DGKB: variants seen among roughly 807,000 people sequenced by gnomAD.
DGKB encodes the protein 90 kDa diacylglycerol kinase.
Under a neutral mutation model 114.3 loss-of-function variants are expected in DGKB, and 67 were observed. The ratio of observed to expected loss-of-function variants is 0.59; its 90% CI spans 0.48 to 0.72. DGKB has a LOEUF of 0.72. DGKB is among the 30% of genes least tolerant of loss of function. The pLI, the probability that DGKB is intolerant of heterozygous loss-of-function variation, is 0.00. For synonymous variants in DGKB, 398 were observed against 323.1 expected, an observed-to-expected ratio of 1.23 and a Z score of -2.49; for missense variants, 907 against 975.2, an observed-to-expected ratio of 0.93 and a Z score of 0.93.
intron 20 of DGKB, among the ~76,000 whole-genome samples, chr7:14,485,760 T>C (rs1190100107): frequency 6.6e-6 from 1 of 151,258 alleles, no homozygotes. Flanking sequence ...GGCATGGTAG[T>C]GGGCACCTGT....
At chr7:14,538,621 C>T (rs1792927644) in intron 20 of DGKB, among the ~76,000 whole-genome samples, 1 of 152,084 alleles carries the variant, frequency 6.6e-6, no homozygotes, top group African/African-American at 2.4e-5. Flanking sequence ...TCTAGTGATC[C>T]CACTTTTGAA....
At chr7:14,907,503 T>C (rs1206866064), upstream of DGKB, among the ~76,000 whole-genome samples, 10 of 152,236 alleles carry the variant, frequency 6.6e-5, no homozygotes, top group South Asian at 2.1e-4. Flanking sequence ...GTGAAGCACA[T>C]AGCACAGTGC....
At chr7:14,332,355 C>T (rs1809879148) in intron 23 of DGKB, among the ~76,000 whole-genome samples, 1 of 152,014 alleles carries the variant, frequency 6.6e-6, no homozygotes. Flanking sequence ...GAATCTGGTG[C>T]CTGCACCAAG....
chr7:14,784,528 C>T (rs1481885630), intron 2 of DGKB, among the ~76,000 whole-genome samples: 1 of 151,814 alleles, frequency 6.6e-6, no homozygotes, highest in Non-Finnish European at 1.5e-5. Context: ...TGCACACCAC[C>T]ATGCCCAGTT....
intron 23 of DGKB, among the ~76,000 whole-genome samples, chr7:14,184,796 C>CA (rs1783154875): frequency 6.6e-6 from 1 of 151,782 alleles, no homozygotes; most frequent in Non-Finnish European, 1.5e-5. Flanking sequence ...GCAGGAGGTG[C>CA]AAAAAAAGCA....
At chr7:14,245,343 T>C (rs377169158) in intron 23 of DGKB, among the ~76,000 whole-genome samples, 111 of 152,308 alleles carry the variant, frequency 7.3e-4, no homozygotes, top group African/African-American at 2.5e-3. Context: ...TGAATGTAAT[T>C]GATTAAACAA....
rs757580375 is a variant in DGKB at position 14,147,299 on chromosome 7, T to C, written c.*1832A>G. The C allele has an allele frequency of 3.9e-5, 6 of 152,184 alleles. No individual in the cohort carries two copies. Among genetic ancestry groups the C allele is most frequent in the Non-Finnish European group, 8.8e-5 (6 of 68,004 alleles). The allele number at this position is 152,184 out of a possible 1,614,324, so 9.4% of individuals were successfully genotyped here. A position where few individuals can be genotyped will look rare whatever the true frequency, so the allele number is the denominator to read the frequency against. On this transcript the variant is annotated 3_prime_UTR_variant, in exon 26 of 26. Coordinates refer to ENST00000402815, the MANE Select transcript of DGKB (RefSeq NM_001350709.2). ...ATTGTAATCATAATTTTCCTGGGAATGCTAAATTATGTCTTAATTTTATTC... is the reference window on the plus strand; with the variant it reads ...ATTGTAATCATAATTTTCCTGGGAACGCTAAATTATGTCTTAATTTTATTC...
chr7:14,246,350 A>T (rs1478990267), intron 23 of DGKB, among the ~76,000 whole-genome samples: 1 of 152,152 alleles, frequency 6.6e-6, no homozygotes, highest in Non-Finnish European at 1.5e-5. Flanking sequence ...GGGACTGAGG[A>T]ATAGAAATGT....
chr7:14,229,064 A>G (rs1172377641), intron 23 of DGKB, among the ~76,000 whole-genome samples: 3 of 152,038 alleles, frequency 2.0e-5, no homozygotes, highest in Non-Finnish European at 4.4e-5. Flanking sequence ...AATCTATTCT[A>G]CAAAAGAAGG....
intron 1 of DGKB, among the ~76,000 whole-genome samples, chr7:14,879,922 T>A (rs1853958992): frequency 1.3e-5 from 2 of 152,206 alleles, no homozygotes; most frequent in Non-Finnish European, 2.9e-5. Flanking sequence ...TAGTTCATCA[T>A]GCCCAGCATA....
chr7:14,705,575 G>T (rs1387504160), intron 6 of DGKB, among the ~76,000 whole-genome samples: 1 of 149,750 alleles, frequency 6.7e-6, no homozygotes, highest in African/African-American at 2.4e-5. Context: ...GAAAGGTCGG[G>T]TTCCCCTCAA....
At chr7:14,401,743 C>A (rs1168754258) in intron 21 of DGKB, among the ~76,000 whole-genome samples, 1 of 151,688 alleles carries the variant, frequency 6.6e-6, no homozygotes, top group Non-Finnish European at 1.5e-5. Flanking sequence ...TTATAGTTAA[C>A]CAATTCACCC....
intron 21 of DGKB, 119 bp downstream of exon 21, chr7:14,478,042 A>G: frequency 3.5e-6 from 2 of 570,958 alleles, no homozygotes; most frequent in Non-Finnish European, 6.1e-6. Flanking sequence ...ACACACACAC[A>G]CACGCACACA....
chr7:14,702,165 CT>C (rs1436546224), intron 6 of DGKB, among the ~76,000 whole-genome samples: 2 of 152,050 alleles, frequency 1.3e-5, no homozygotes, highest in Non-Finnish European at 2.9e-5. Context: ...TGGTCAAAAA[CT>C]TTTCTTTATC....
chr7:14,657,552 G>A (rs545834801), intron 13 of DGKB, among the ~76,000 whole-genome samples: 48 of 151,940 alleles, frequency 3.2e-4, no homozygotes, highest in African/African-American at 1.1e-3. Flanking sequence ...AGATGACATA[G>A]GATTTCAAGG....
intron 21 of DGKB, among the ~76,000 whole-genome samples, chr7:14,461,616 C>A (rs1185514103): frequency 1.3e-5 from 2 of 151,928 alleles, no homozygotes; most frequent in African/African-American, 4.8e-5. Context: ...TAATTAATAG[C>A]CTACAAACCA....
intron 15 of DGKB, among the ~76,000 whole-genome samples, chr7:14,615,372 C>G (rs528010413): frequency 2.9e-4 from 44 of 151,922 alleles, no homozygotes; most frequent in African/African-American, 9.1e-4. Context: ...TTTGAAATGT[C>G]TCTCAGAGAT....
intron 21 of DGKB, among the ~76,000 whole-genome samples, chr7:14,370,810 C>T (rs1243443248): frequency 6.6e-6 from 1 of 152,042 alleles, no homozygotes; most frequent in Non-Finnish European, 1.5e-5. Context: ...CAACTCTTGT[C>T]CCTGATCTTC....
At chr7:14,378,152 C>CT (rs1267062513) in intron 21 of DGKB, among the ~76,000 whole-genome samples, 1 of 152,168 alleles carries the variant, frequency 6.6e-6, no homozygotes, top group Non-Finnish European at 1.5e-5. Context: ...AAGACTTCCA[C>CT]TGAAAGCAGG....
Sources: allele counts gnomAD v4.1 joint callset (sites outside exome capture counted in the v4.1 genomes callset), GRCh38; gene constraint gnomAD v4.1.1; transcripts MANE v1.5; gene names NCBI Gene and HGNC (gene_info 2026-07-23, HGNC 2026-07-21).